Variants in FAM153A observed in about 807,000 individuals in gnomAD.
The protein encoded by FAM153A is protein FAM153A.
Under a neutral mutation model 48.1 loss-of-function variants are expected in FAM153A, and 12 were observed. The observed-to-expected ratio is 0.25, with a 90% confidence interval of 0.16 to 0.40. The LOEUF is 0.40. Among genes scored for constraint, FAM153A ranks in the 10% least tolerant of loss-of-function variants. The probability of loss-of-function intolerance (pLI) is 1.00; values close to 1 mark genes in which losing one functional copy is unlikely to be tolerated. For missense variants in FAM153A, 111 were observed against 345.8 expected (o/e 0.32, Z 5.38); for synonymous variants, 36 against 118.2 (o/e 0.30, Z 4.51).
the FAM153A span, among the ~76,000 whole-genome samples, chr5:177,701,374 G>A: frequency 1.3e-5 from 2 of 151,728 alleles, no homozygotes; most frequent in Non-Finnish European, 2.9e-5. Context: ...GACCAGCCTG[G>A]GCAACATAGT....
exon 13 of FAM153A, chr5:177,734,881 C>T (rs771541459): frequency 4.7e-6 from 7 of 1,474,088 alleles, no homozygotes; most frequent in Admixed American, 1.8e-5. Flanking sequence ...CCTCTGGGTC[C>T]TCCTCCTCAC....
chr5:177,714,487 A>AT (rs1358791652), intron 25 of FAM153A, among the ~76,000 whole-genome samples: 4 of 141,038 alleles, frequency 2.8e-5, no homozygotes, highest in Non-Finnish European at 6.2e-5. Flanking sequence ...AATGAGTTCT[A>AT]TTATTATAGT....
At chr5:177,743,130 A>C (rs1765530826) in intron 6 of FAM153A, among the ~76,000 whole-genome samples, 1 of 147,316 alleles carries the variant, frequency 6.8e-6, no homozygotes, top group Non-Finnish European at 1.5e-5. Flanking sequence ...CCAAGAAAAA[A>C]CTCAAGCTAA....
chr5:177,770,005 A>G (rs1769021767), intron 1 of FAM153A, among the ~76,000 whole-genome samples: 1 of 99,036 alleles, frequency 1.0e-5, no homozygotes, highest in Non-Finnish European at 2.1e-5. Flanking sequence ...TTCACCTCAC[A>G]CAAAGCAAAA....
intron 1 of FAM153A, among the ~76,000 whole-genome samples, chr5:177,760,115 A>C (rs1259255973): frequency 6.6e-6 from 1 of 151,142 alleles, no homozygotes; most frequent in African/African-American, 2.5e-5. Flanking sequence ...ACAACTGAAT[A>C]GAAAATTGGG....
chr5:177,710,050 T>G (rs1238556038), downstream of FAM153A, among the ~76,000 whole-genome samples: 1 of 148,862 alleles, frequency 6.7e-6, no homozygotes, highest in Non-Finnish European at 1.5e-5. Context: ...TAATTAACTG[T>G]GCAAAATGAT....
intron 1 of FAM153A, among the ~76,000 whole-genome samples, chr5:177,766,410 C>G (rs1240267204): frequency 2.6e-5 from 1 of 39,068 alleles, no homozygotes. Flanking sequence ...ACTGGGAATA[C>G]ATAGTCAGCA....
Position 177,769,085 on chromosome 5 carries a change from T to C in FAM153A, c.-57+11364A>G, listed in dbSNP as rs1455487292. ...AAAGAAATCCAAAAAAAAAAAAAAA[T>C]AGCCGGGCTTTGTGGCGGGTGCCTG... is the stretch of plus-strand genomic sequence containing the variant. On this transcript the variant is annotated intron_variant, in intron 1 of 8. Coordinates refer to the FAM153A transcript ENST00000393518. Among the ~76,000 whole-genome samples, 6 of 77,548 alleles carry C rather than the reference T, an allele frequency of 7.7e-5. 2 individuals are homozygous for C. Among genetic ancestry groups the C allele is most frequent in the Middle Eastern group, 0.013 (2 of 152 alleles). 50.9% of individuals were successfully genotyped at this position (77,548 alleles called of 152,430 possible). A position where few individuals can be genotyped will look rare whatever the true frequency, so the allele number is the denominator to read the frequency against.
At chr5:177,761,311 A>T (rs780765118) in intron 1 of FAM153A, among the ~76,000 whole-genome samples, 50 of 149,846 alleles carry the variant, frequency 3.3e-4, no homozygotes, top group Non-Finnish European at 6.7e-4. Flanking sequence ...GTTACAATCA[A>T]TTTTTTTTTT....
rs1561958965 is a variant in FAM153A at position 177,771,176 on chromosome 5, G to A, written c.-57+9273C>T. Among the ~76,000 whole-genome samples, 2 of 96,434 alleles carry A rather than the reference G, an allele frequency of 2.1e-5. 1 individual carries two copies. The allele number at this position is 96,434 out of a possible 152,430, so 63.3% of individuals were successfully genotyped here. On this transcript the variant is annotated intron_variant, in intron 1 of 8. Coordinates refer to the FAM153A transcript ENST00000393518. ...GCAAGAAAATATTGATAAAATGATT[G>A]AATATCTTATTTCATAACTCTAAAC... is the stretch of plus-strand genomic sequence containing the variant.
At chr5:177,706,196 T>G (rs1757872803), downstream of FAM153A, among the ~76,000 whole-genome samples, 1 of 151,084 alleles carries the variant, frequency 6.6e-6, no homozygotes, top group Non-Finnish European at 1.5e-5. Flanking sequence ...ATGTTTTTTT[T>G]GTTGTTGTTG....
At chr5:177,721,497 A>AT (rs1761018304), downstream of FAM153A, among the ~76,000 whole-genome samples, 4 of 120,514 alleles carry the variant, frequency 3.3e-5, 1 homozygote, top group Admixed American at 4.0e-4. Context: ...GAACAACTAG[A>AT]TTTCTAACTG....
the FAM153A span, among the ~76,000 whole-genome samples, chr5:177,701,993 C>T: frequency 4.0e-5 from 6 of 151,564 alleles, no homozygotes; most frequent in East Asian, 5.8e-4. Context: ...CTGCAAGCTC[C>T]GCCTCCCGGG....
chr5:177,746,100 G>A (rs1227585845), intron 4 of FAM153A, among the ~76,000 whole-genome samples: 2 of 151,584 alleles, frequency 1.3e-5, no homozygotes, highest in Non-Finnish European at 2.9e-5. Flanking sequence ...GAGTTCACAT[G>A]TGCCTCTTCC....
chr5:177,710,913 G>A (rs1305956177), downstream of FAM153A, among the ~76,000 whole-genome samples: 2 of 151,488 alleles, frequency 1.3e-5, no homozygotes, highest in African/African-American at 4.9e-5. Flanking sequence ...GCCTCCCAAA[G>A]TGCTGAAATT....
At chr5:177,716,555 C>A (rs1171963177) in intron 24 of FAM153A, 1 of 151,696 alleles carries the variant, frequency 6.6e-6, no homozygotes, top group Non-Finnish European at 1.5e-5. Context: ...GAGAAGGTGC[C>A]TGACAATTCT....
intron 1 of FAM153A, among the ~76,000 whole-genome samples, chr5:177,768,253 C>A (rs1275509919): frequency 6.7e-6 from 1 of 149,336 alleles, no homozygotes; most frequent in African/African-American, 2.5e-5. Flanking sequence ...CCAGGACACA[C>A]CACCCTGTAG....
At chr5:177,759,840 T>A (rs1477657699) in intron 1 of FAM153A, among the ~76,000 whole-genome samples, 1 of 151,668 alleles carries the variant, frequency 6.6e-6, no homozygotes, top group East Asian at 1.9e-4. Flanking sequence ...CATTAGGAGA[T>A]ATACTTAATG....
chr5:177,709,859 C>T (rs1488949680), downstream of FAM153A, among the ~76,000 whole-genome samples: 5 of 121,088 alleles, frequency 4.1e-5, no homozygotes, highest in Non-Finnish European at 8.5e-5. Context: ...GACAGGTTTT[C>T]GCCATGTTCG....
Sources: allele counts gnomAD v4.1 joint callset (sites outside exome capture counted in the v4.1 genomes callset), GRCh38; gene constraint gnomAD v4.1.1; transcripts MANE v1.5; gene names NCBI Gene and HGNC (gene_info 2026-07-23, HGNC 2026-07-21).